Variants in SH3RF3 observed in about 807,000 individuals in gnomAD.
SH3RF3 encodes the protein E3 ubiquitin-protein ligase SH3RF3.
A neutral mutation model predicts 66.3 loss-of-function variants in SH3RF3; 29 were observed. The ratio of observed to expected loss-of-function variants is 0.44; its 90% CI spans 0.33 to 0.60. SH3RF3 has a LOEUF of 0.60. Ranked by LOEUF, SH3RF3 falls within the 20% of genes least tolerant of loss-of-function variation. The probability of loss-of-function intolerance (pLI) is 0.04; values close to 1 mark genes in which losing one functional copy is unlikely to be tolerated. For synonymous variants in SH3RF3, 583 were observed against 532.0 expected (o/e 1.10, Z -1.32); for missense variants, 1,194 against 1,190.9 (o/e 1.00, Z -0.04).
intron 7 of SH3RF3, among the ~76,000 whole-genome samples, chr2:109,447,760 T>A (rs1677751141): frequency 6.6e-6 from 1 of 152,208 alleles, no homozygotes; most frequent in Non-Finnish European, 1.5e-5. Context: ...GGATTACTAT[T>A]AATGTGGTGC....
intron 4 of SH3RF3, among the ~76,000 whole-genome samples, chr2:109,404,762 ACT>A (rs1405480795): frequency 6.6e-6 from 1 of 151,552 alleles, no homozygotes; most frequent in Non-Finnish European, 1.5e-5. Context: ...GATGTGCTCG[ACT>A]CTCTGCAGTC....
At chr2:109,495,775 G>A (rs1048740435) in intron 9 of SH3RF3, among the ~76,000 whole-genome samples, 1 of 152,152 alleles carries the variant, frequency 6.6e-6, no homozygotes, top group Admixed American at 6.5e-5. Context: ...TGAGGCGTGA[G>A]CCACTGCACC....
chr2:109,169,428 A>G (rs1677705213), intron 1 of SH3RF3, among the ~76,000 whole-genome samples: 1 of 152,128 alleles, frequency 6.6e-6, no homozygotes, highest in Non-Finnish European at 1.5e-5. Flanking sequence ...TGAAGAACAC[A>G]GCTCAGCTCC....
chr2:109,170,973 A>G (rs2104946471), intron 1 of SH3RF3, among the ~76,000 whole-genome samples: 1 of 152,248 alleles, frequency 6.6e-6, no homozygotes, highest in Non-Finnish European at 1.5e-5. Context: ...ACAGAGGCAC[A>G]CAGGGCGCTC....
chr2:109,484,048 G>A (rs1417973795), intron 8 of SH3RF3, among the ~76,000 whole-genome samples: 1 of 147,468 alleles, frequency 6.8e-6, no homozygotes, highest in Non-Finnish European at 1.5e-5. Flanking sequence ...GCACCAAGGT[G>A]TGCCATCCTC....
At chr2:109,140,365 C>G (rs1242583871) in intron 1 of SH3RF3, among the ~76,000 whole-genome samples, 1 of 151,976 alleles carries the variant, frequency 6.6e-6, no homozygotes, top group Non-Finnish European at 1.5e-5. Flanking sequence ...CTATTTTTCC[C>G]AGACTTCAGA....
At position 109,247,425 on chromosome 2, in the gene SH3RF3, C is replaced by T. The variant is rs1261022923; in HGVS notation, c.574-100249C>T. On this transcript the variant is annotated intron_variant, in intron 1 of 9. Transcript: ENST00000309415. ...GACCAGCTGAGCTTCCCAGATGATC[C>T]CTGAACGTCACGGCTCCTGACCGTT... Among the ~76,000 whole-genome samples the T allele has an allele frequency of 2.0e-5, 3 of 152,218 alleles. No individual in the cohort carries two copies. The East Asian group carries it at 5.8e-4, about 29-fold the overall frequency.
intron 7 of SH3RF3, among the ~76,000 whole-genome samples, chr2:109,446,868 C>T (rs2104623419): frequency 6.6e-6 from 1 of 152,252 alleles, no homozygotes; most frequent in East Asian, 1.9e-4. Flanking sequence ...GGCACAGACC[C>T]TGGTGCAGTC....
chr2:109,262,138 A>C (rs1166131533), intron 1 of SH3RF3, among the ~76,000 whole-genome samples: 1 of 152,192 alleles, frequency 6.6e-6, no homozygotes, highest in Non-Finnish European at 1.5e-5. Context: ...GGAAATGCTT[A>C]TTATTACAGT....
intron 1 of SH3RF3, among the ~76,000 whole-genome samples, chr2:109,194,996 G>T (rs562272109): frequency 6.6e-6 from 1 of 152,168 alleles, no homozygotes; most frequent in Non-Finnish European, 1.5e-5. Context: ...TGGATTTTGA[G>T]AACACACAGC....
chr2:109,407,995 G>A (rs569897681), intron 4 of SH3RF3, among the ~76,000 whole-genome samples: 1 of 152,140 alleles, frequency 6.6e-6, no homozygotes, highest in Non-Finnish European at 1.5e-5. Context: ...GTTTCTGCCT[G>A]TGCCTCCAGG....
intron 2 of SH3RF3, among the ~76,000 whole-genome samples, chr2:109,360,544 TA>T (rs1353398754): frequency 2.0e-5 from 3 of 152,370 alleles, no homozygotes; most frequent in Middle Eastern, 3.4e-3. Context: ...TCTCATTATG[TA>T]TATGCAAATA....
At chr2:109,424,940 A>T (rs1308745755) in intron 5 of SH3RF3, among the ~76,000 whole-genome samples, 1 of 152,244 alleles carries the variant, frequency 6.6e-6, no homozygotes, top group Non-Finnish European at 1.5e-5. Context: ...TCATGTCAAA[A>T]GCTGAGATAG....
At chr2:109,135,379 A>G (rs936694471) in intron 1 of SH3RF3, among the ~76,000 whole-genome samples, 8 of 152,142 alleles carry the variant, frequency 5.3e-5, no homozygotes, top group African/African-American at 1.4e-4. Flanking sequence ...TGGCTTCCAC[A>G]CTTCCTCACC....
intron 2 of SH3RF3, among the ~76,000 whole-genome samples, chr2:109,355,001 A>G (rs1489873122): frequency 6.6e-6 from 1 of 152,244 alleles, no homozygotes; most frequent in Non-Finnish European, 1.5e-5. Context: ...GAAAGGTGAT[A>G]TAGTTTTTAG....
chr2:109,412,571 C>G (rs965723586), intron 4 of SH3RF3, among the ~76,000 whole-genome samples: 1 of 152,216 alleles, frequency 6.6e-6, no homozygotes, highest in African/African-American at 2.4e-5. Context: ...CAGCCCAGCC[C>G]CTGCTGGTGC....
Position 109,317,660 on chromosome 2 carries a change from C to T in SH3RF3, c.574-30014C>T, listed in dbSNP as rs142406993. Among the ~76,000 whole-genome samples the T allele has an allele frequency of 4.3e-3, 650 of 152,302 alleles. 2 individuals carry two copies. The highest frequency in any genetic ancestry group is 9.4e-3 in the Admixed American group (144 of 15,300). ...AAGAGAACTGGCTGAGTTTAAATGACTTCAGGTACATAAATATTAGTTGCT... is the reference window on the plus strand; with the variant it reads ...AAGAGAACTGGCTGAGTTTAAATGATTTCAGGTACATAAATATTAGTTGCT... On this transcript the variant is annotated intron_variant, in intron 1 of 9. Transcript: ENST00000309415.
At chr2:109,361,952 T>G (rs1683057458) in intron 2 of SH3RF3, among the ~76,000 whole-genome samples, 1 of 152,166 alleles carries the variant, frequency 6.6e-6, no homozygotes, top group Non-Finnish European at 1.5e-5. Context: ...TAGTACTTTG[T>G]GTCCTCTGTT....
intron 8 of SH3RF3, among the ~76,000 whole-genome samples, chr2:109,485,433 A>G (rs1371344681): frequency 6.6e-6 from 1 of 152,166 alleles, no homozygotes; most frequent in African/African-American, 2.4e-5. Flanking sequence ...CATAACTTTT[A>G]ATTGACCTTT....
Sources: allele counts gnomAD v4.1 joint callset (sites outside exome capture counted in the v4.1 genomes callset), GRCh38; gene constraint gnomAD v4.1.1; transcripts MANE v1.5; gene names NCBI Gene and HGNC (gene_info 2026-07-23, HGNC 2026-07-21).